Variants in PCBP3 observed in about 807,000 individuals in gnomAD.
The protein encoded by PCBP3 is poly(rC)-binding protein 3.
A neutral mutation model predicts 52.7 loss-of-function variants in PCBP3; 25 were observed. The observed-to-expected ratio is 0.47, with a 90% CI of 0.35 to 0.66. The LOEUF (loss-of-function observed/expected upper bound fraction) is 0.66. PCBP3 is among the 30% of genes least tolerant of loss of function. PCBP3 has a pLI of 0.01. For missense variants in PCBP3, 391 were observed against 490.3 expected, an observed-to-expected ratio of 0.80 and a Z score of 1.91; for synonymous variants, 162 against 183.0, an observed-to-expected ratio of 0.89 and a Z score of 0.93.
At chr21:45,662,508 G>A (rs911984155) in intron 1 of PCBP3, among the ~76,000 whole-genome samples, 2 of 151,726 alleles carry the variant, frequency 1.3e-5, no homozygotes, top group Non-Finnish European at 2.9e-5. Context: ...AGCCACCCAG[G>A]TGCTGAGGCA....
At chr21:45,777,970 C>CTTTTTTTTTTTTTTTGTTTTTTTT (rs71318012) in intron 4 of PCBP3, among the ~76,000 whole-genome samples, 1 of 130,824 alleles carries the variant, frequency 7.6e-6, no homozygotes. Context: ...TGGGGAGGGC[C>CTTTTTTTTTTTTTTTGTTTTTTTT]TTTTTTTTTT....
In PCBP3 at chr21:45,853,701, G is replaced by A. The variant is rs1447600598; in HGVS notation, c.10+3606G>A. Among the ~76,000 whole-genome samples the A allele has an allele frequency of 6.6e-6, 1 of 152,208 alleles. No homozygotes were observed. The highest frequency in any genetic ancestry group is 1.5e-5 in the Non-Finnish European group (1 of 68,042). On this transcript the variant is annotated intron_variant, in intron 5 of 17. Coordinates refer to ENST00000681687, the MANE Select transcript of PCBP3 (RefSeq NM_001384156.1). This position sits in a 1 kb window ranked among gnomAD's most constrained non-coding sequence, Gnocchi z 4.6. Reference sequence around the variant, plus strand: ...TTCTCCTGCCTCACTGGGTTAAAAAGCTAAGAAACATGAGTGGTGTTAAAC... The same window carrying A: ...TTCTCCTGCCTCACTGGGTTAAAAAACTAAGAAACATGAGTGGTGTTAAAC...
chr21:45,823,809 T>G (rs1464415021), intron 4 of PCBP3, among the ~76,000 whole-genome samples: 1 of 152,156 alleles, frequency 6.6e-6, no homozygotes, highest in Non-Finnish European at 1.5e-5. Flanking sequence ...TAGCATGATC[T>G]CGACTCACTG....
chr21:45,941,634 G>T (rs370673522), intron 17 of PCBP3, 36 bp from the exon 18 acceptor site: 1 of 1,594,434 alleles, frequency 6.3e-7, no homozygotes, highest in South Asian at 1.1e-5. Flanking sequence ...CGTTGGTTGT[G>T]ACCGTCTCTC....
At position 45,941,661 on chromosome 21, in the gene PCBP3, C is replaced by A. The variant is rs139087591; in HGVS notation, c.1080-9C>A. The A allele has an allele frequency of 7.7e-5, 124 of 1,606,030 alleles. 2 individuals carry two copies. In the African/African-American group the frequency reaches 1.3e-3, roughly 17 times the overall value. On this transcript the variant is annotated splice_polypyrimidine_tract_variant and intron_variant, in intron 17 of 17. Transcript: ENST00000681687. The stretch of plus-strand genomic sequence containing the variant: ...CCGTCTCTCCCTCTCCTGCCTTTGT[C>A]TGTTCCAGGCTGACGTCCGAGGTCA...
chr21:45,785,320 C>T (rs1042272554), intron 4 of PCBP3, among the ~76,000 whole-genome samples: 6 of 151,686 alleles, frequency 4.0e-5, no homozygotes, highest in African/African-American at 1.5e-4. Flanking sequence ...CGGCCAGCCG[C>T]CCCGTCCGGG....
At chr21:45,815,799 ATGAGTGAGTGGTGAGTGAGTGGTGAGTGG>A (rs2092916970) in intron 4 of PCBP3, among the ~76,000 whole-genome samples, 1 of 77,508 alleles carries the variant, frequency 1.3e-5, no homozygotes, top group Non-Finnish European at 2.5e-5. Context: ...GTGGTGAGTG[ATGAGTGAGTGGTGAGTGAGTGGTGAGTGG>A]TGAGTGAGTG....
rs1051493181 is a variant in PCBP3, at chr21:45,880,908, C to G, written c.11-15300C>G. Among the ~76,000 whole-genome samples, 1 of 152,182 alleles carries G rather than the reference C, an allele frequency of 6.6e-6. No homozygotes were observed. Among genetic ancestry groups the G allele is most frequent in the African/African-American group, 2.4e-5 (1 of 41,434 alleles). ...GGCTCAGGGCCGGGGTTAAACAGCA[C>G]AGCAGTGGGAAGGTACCCAGGGGCT... On this transcript the variant is annotated intron_variant, in intron 5 of 17. Coordinates refer to ENST00000681687, the MANE Select transcript of PCBP3 (RefSeq NM_001384156.1). The surrounding 1 kb of genome is among the most constrained non-coding windows in gnomAD (Gnocchi z 5.4).
chr21:45,720,122 A>G (rs1012848497), intron 2 of PCBP3, among the ~76,000 whole-genome samples: 7 of 152,200 alleles, frequency 4.6e-5, no homozygotes, highest in Non-Finnish European at 1.0e-4. Context: ...CAGAACATGC[A>G]GGTTTGTTAC....
At chr21:45,755,705 C>G (rs1433591228) in intron 4 of PCBP3, among the ~76,000 whole-genome samples, 2 of 152,290 alleles carry the variant, frequency 1.3e-5, no homozygotes, top group South Asian at 2.1e-4. Context: ...ATGCTTGTTT[C>G]CCATCTGTAT....
At chr21:45,644,295 C>G (rs1488230683) in intron 1 of PCBP3, among the ~76,000 whole-genome samples, 3 of 151,656 alleles carry the variant, frequency 2.0e-5, no homozygotes, top group African/African-American at 7.3e-5. Context: ...GGCGGCGGGG[C>G]GGGGCGCGGG....
chr21:45,751,180 G>A (rs1293367544), intron 3 of PCBP3: 1 of 152,164 alleles, frequency 6.6e-6, no homozygotes, highest in African/African-American at 2.4e-5. Context: ...CTCAGGAGCT[G>A]TTTGTTAAAC....
chr21:45,926,446 C>A (rs1304723044), intron 13 of PCBP3, among the ~76,000 whole-genome samples: 1 of 152,208 alleles, frequency 6.6e-6, no homozygotes, highest in Non-Finnish European at 1.5e-5. Context: ...CAGCCTCAGG[C>A]AGGTCCCGCA....
At chr21:45,838,964 T>G (rs2093645629) in intron 4 of PCBP3, among the ~76,000 whole-genome samples, 1 of 152,222 alleles carries the variant, frequency 6.6e-6, no homozygotes, top group Non-Finnish European at 1.5e-5. Context: ...TTCTCTCCAT[T>G]CAGTTCCCTT....
intron 9 of PCBP3, among the ~76,000 whole-genome samples, chr21:45,907,602 C>T (rs1474055796): frequency 6.6e-6 from 1 of 152,204 alleles, no homozygotes; most frequent in East Asian, 1.9e-4. Flanking sequence ...TGACAGAGTT[C>T]AGGTAACTCT....
chr21:45,844,035 TA>T (rs906971606), intron 4 of PCBP3, among the ~76,000 whole-genome samples: 10 of 152,102 alleles, frequency 6.6e-5, no homozygotes, highest in African/African-American at 2.2e-4. Flanking sequence ...CTCCTTCTTG[TA>T]GCATTCTTCC....
chr21:45,902,440 G>C (rs2096083031), intron 9 of PCBP3, among the ~76,000 whole-genome samples: 1 of 152,234 alleles, frequency 6.6e-6, no homozygotes, highest in African/African-American at 2.4e-5. Context: ...GGAAAGGCTA[G>C]AGAGCCAGGT....
chr21:45,923,879 G>A (rs2074882177), intron 13 of PCBP3, among the ~76,000 whole-genome samples: 1 of 96,964 alleles, frequency 1.0e-5, no homozygotes, highest in African/African-American at 4.5e-5. Context: ...GTAAGATCGG[G>A]TGTGCACGAG....
At chr21:45,761,834 G>C (rs1265426716) in intron 4 of PCBP3, 7 of 152,292 alleles carry the variant, frequency 4.6e-5, no homozygotes, top group Non-Finnish European at 2.9e-5. Flanking sequence ...TTGACCTGGA[G>C]CAGACACCAC....
Sources: gnomAD v4.1 joint callset for allele counts (sites outside exome capture counted in the v4.1 genomes callset) on GRCh38, gnomAD v4.1.1 for gene constraint, Gnocchi (gnomAD v3.1) non-coding constraint, MANE v1.5 for transcripts, NCBI Gene and HGNC (gene_info 2026-07-23, HGNC 2026-07-21) for gene names.